RPL17: variants seen among roughly 807,000 people sequenced by gnomAD.
The protein encoded by RPL17 is large ribosomal subunit protein uL22.
In RPL17, 2 loss-of-function variants were observed where a neutral mutation model predicts 27.7. The ratio of observed to expected loss-of-function variants is 0.07; its 90% CI spans 0.03 to 0.23. RPL17 has a LOEUF of 0.23. Ranked by LOEUF, RPL17 falls within the 10% of genes least tolerant of loss-of-function variation. The probability of loss-of-function intolerance (pLI) is 1.00; values close to 1 mark genes in which losing one functional copy is unlikely to be tolerated. For missense variants in RPL17, 141 were observed against 238.8 expected (o/e 0.59, Z 2.70); for synonymous variants, 76 against 75.5 (o/e 1.01, Z -0.03).
intron 4 of RPL17, 68 bp from the exon 5 acceptor site, chr18:49,490,620 T>A (rs2083998922): frequency 3.7e-6 from 6 of 1,607,312 alleles, no homozygotes; most frequent in South Asian, 3.3e-5. Context: ...AAGATGAATT[T>A]ATCTGATATC....
At chr18:49,491,252 A>G (rs1488223132) in intron 3 of RPL17, 153 bp downstream of exon 3, 1 of 1,230,744 alleles carries the variant, frequency 8.1e-7, no homozygotes, top group East Asian at 2.3e-5. Flanking sequence ...ACATCCTTAC[A>G]CCCTGATCAT....
chr18:49,492,287 A>T (rs1330290328), intron 1 of RPL17, 171 bp downstream of exon 1: 1 of 152,600 alleles, frequency 6.6e-6, no homozygotes, highest in East Asian at 1.9e-4. Flanking sequence ...CGGCTCCCAA[A>T]GTCAGGCCCT....
In RPL17 at chr18:49,489,267, CAT is replaced by C. The variant is rs529649939; in HGVS notation, c.507+90_507+91del. On this transcript the variant is annotated intron_variant, in intron 6 of 6. Coordinates refer to ENST00000580261, the MANE Select transcript of RPL17 (RefSeq NM_001035006.5). Reference sequence around the variant, plus strand: ...AGGGTTGCTCAGAATAGTTTTCTTTCATAGTTATTCCAAAGGTGTCCTAAGAT... The same window carrying C: ...AGGGTTGCTCAGAATAGTTTTCTTTCAGTTATTCCAAAGGTGTCCTAAGAT... The C allele has an allele frequency of 5.1e-5, 71 of 1,403,508 alleles. No homozygotes were observed. The Middle Eastern group carries it at 1.1e-3, about 22-fold the overall frequency. 86.9% of individuals were successfully genotyped at this position (1,403,508 alleles called of 1,614,324 possible). A position where few individuals can be genotyped will look rare whatever the true frequency, so the allele number is the denominator to read the frequency against.
chr18:49,491,995 C>T (rs2084136267), intron 1 of RPL17: 2 of 357,944 alleles, frequency 5.6e-6, no homozygotes, highest in Non-Finnish European at 1.1e-5. Context: ...TAGTGAGTGC[C>T]GTCTCTCTCA....
rs182901102 is a variant in RPL17, at chr18:49,491,316, C to T, written c.81+89G>A. On this transcript the variant is annotated intron_variant, in intron 3 of 6. Coordinates refer to ENST00000580261, the MANE Select transcript of RPL17 (RefSeq NM_001035006.5). ...GAATTTATTAATTTTCACGGTAAAT[C>T]CAAAGGTGTCCTAAGAAAGTCATCA... The T allele has an allele frequency of 1.6e-4, 253 of 1,583,132 alleles. 3 individuals carry two copies. In the East Asian group the frequency reaches 5.7e-3, roughly 35 times the overall value.
chr18:49,489,317 C>T (rs576099460), intron 6 of RPL17, 42 bp downstream of exon 6: 88 of 1,607,402 alleles, frequency 5.5e-5, no homozygotes, highest in Middle Eastern at 1.7e-4. Flanking sequence ...AACCACAAAT[C>T]TTTCTACTAT....
chr18:49,489,780 G>A (rs964704072), intron 5 of RPL17, among the ~76,000 whole-genome samples: 5 of 152,108 alleles, frequency 3.3e-5, no homozygotes, highest in Non-Finnish European at 7.4e-5. Context: ...TATACATTTT[G>A]TCTATGAGTG....
intron 1 of RPL17, 182 bp downstream of exon 1, chr18:49,492,276 C>G (rs1021295264): frequency 6.5e-6 from 1 of 152,736 alleles, no homozygotes; most frequent in Non-Finnish European, 1.5e-5. Flanking sequence ...CCGACTGACC[C>G]CGGCTCCCAA....
At chr18:49,489,245 G>A (rs2083880593) in intron 6 of RPL17, 114 bp downstream of exon 6, 1 of 1,167,040 alleles carries the variant, frequency 8.6e-7, no homozygotes, top group Non-Finnish European at 1.2e-6. Context: ...AGGTGAAAGG[G>A]TTGCTCAGAA....
At chr18:49,490,432 A>C (rs370988859) in intron 5 of RPL17, 22 bp downstream of exon 5, 38 of 1,611,730 alleles carry the variant, frequency 2.4e-5, no homozygotes, top group Non-Finnish European at 3.1e-5. Flanking sequence ...CAAGTTGCAC[A>C]GGATGTTAGT....
chr18:49,490,597 T>G (rs755720954), intron 4 of RPL17, 45 bp from the exon 5 acceptor site: 4 of 1,611,704 alleles, frequency 2.5e-6, no homozygotes, highest in East Asian at 2.2e-5. Context: ...TGATTTAAAT[T>G]AACATTACAG....
intron 5 of RPL17, chr18:49,490,158 G>T: frequency 3.0e-6 from 1 of 328,172 alleles, no homozygotes; most frequent in East Asian, 6.9e-5. Context: ...ACAAAAAGGG[G>T]TAAAAGCCCC....
At chr18:49,490,626 A>G (rs900304322) in intron 4 of RPL17, 74 bp from the exon 5 acceptor site, 91 of 1,604,976 alleles carry the variant, frequency 5.7e-5, no homozygotes, top group Non-Finnish European at 7.6e-5. Context: ...AATTTATCTG[A>G]TATCACGGTT....
At chr18:49,492,224 T>A (rs548998686) in intron 1 of RPL17, 173 of 153,978 alleles carry the variant, frequency 1.1e-3, no homozygotes, top group Non-Finnish European at 2.1e-3. Context: ...AGCCCGGTAG[T>A]CCCCATTCCC....
chr18:49,492,121 C>T (rs2084157680), intron 1 of RPL17: 1 of 202,354 alleles, frequency 4.9e-6, no homozygotes, highest in Non-Finnish European at 1.0e-5. Context: ...TCGTTGCGGC[C>T]ACCACTCACC....
At chr18:49,491,496 A>G (rs1221497690) in intron 2 of RPL17, 36 bp downstream of exon 2, 1 of 1,614,068 alleles carries the variant, frequency 6.2e-7, no homozygotes, top group African/African-American at 1.3e-5. Flanking sequence ...GCCAAGCCCC[A>G]AGTAGGAAAT....
rs1031156157 is a variant in RPL17, at chr18:49,491,180, T to G, written c.81+225A>C. 6 of 905,674 alleles carry G rather than the reference T, an allele frequency of 6.6e-6. No individual in the cohort carries two copies. The African/African-American group carries it at 9.9e-5, about 15-fold the overall frequency. 56.1% of individuals were successfully genotyped at this position (905,674 alleles called of 1,614,324 possible). On this transcript the variant is annotated intron_variant, in intron 3 of 6. Transcript: ENST00000580261. ...GTAATTACAATTAAAATGCCCCATC[T>G]TGATCTGCACACTAGGTTTTCAAAT...
At chr18:49,491,127 C>T in intron 3 of RPL17, 200 bp from the exon 4 acceptor site, 3 of 940,958 alleles carry the variant, frequency 3.2e-6, no homozygotes, top group Admixed American at 4.4e-5. Context: ...CATTTATTCA[C>T]TATAAAACGT....
In RPL17 at chr18:49,491,891, G is replaced by A. The variant is rs1027475557; in HGVS notation, c.-13-307C>T. The A allele has an allele frequency of 8.4e-5, 40 of 478,810 alleles. 1 individual carries two copies. Among genetic ancestry groups the A allele is most frequent in the South Asian group, 6.4e-4 (35 of 54,730 alleles). The allele number at this position is 478,810 out of a possible 1,614,324, so 29.7% of individuals were successfully genotyped here. On this transcript the variant is annotated intron_variant, in intron 1 of 6. Transcript: ENST00000580261. ...ATGCTGGATCTTCCAGGCGTAAAAT[G>A]ACTCGACGCATCCGCAGGGCACAAC...
Sources: allele counts gnomAD v4.1 joint callset (sites outside exome capture counted in the v4.1 genomes callset), GRCh38; gene constraint gnomAD v4.1.1; transcripts MANE v1.5; gene names NCBI Gene and HGNC (gene_info 2026-07-23, HGNC 2026-07-21).